IRAK2: variants seen among roughly 807,000 people sequenced by gnomAD.
The protein encoded by IRAK2 is interleukin 1 receptor associated kinase 2.
IRAK2 carries 57 observed loss-of-function variants against 72.0 expected under a neutral mutation model. The ratio of observed to expected loss-of-function variants is 0.79; its 90% CI spans 0.64 to 0.99. The LOEUF is 0.99. IRAK2 is among the 50% of genes least tolerant of loss of function. The pLI is 0.00. For synonymous variants in IRAK2, 293 were observed against 312.7 expected (o/e 0.94, Z 0.67); for missense variants, 790 against 794.4 (o/e 0.99, Z 0.07).
chr3:10,190,119 G>A (rs937187913), intron 2 of IRAK2, among the ~76,000 whole-genome samples: 15 of 150,954 alleles, frequency 9.9e-5, no homozygotes, highest in African/African-American at 3.2e-4. Flanking sequence ...AGGCCAACAT[G>A]GGAATTCAGG....
intron 6 of IRAK2, 36 bp from the exon 7 acceptor site, chr3:10,216,898 C>G: frequency 6.7e-7 from 1 of 1,490,480 alleles, no homozygotes; most frequent in Non-Finnish European, 9.4e-7. Context: ...TTCTTTCCGT[C>G]TGACTCCTCA....
chr3:10,167,559 T>C (rs165501), intron 1 of IRAK2, among the ~76,000 whole-genome samples: 83,104 of 151,786 alleles, frequency 0.55, 24,471 homozygotes, highest in African/African-American at 0.78. Flanking sequence ...GGACTACAGG[T>C]GCCTGCCACC....
chr3:10,234,252 C>G (rs1162123207), intron 10 of IRAK2, among the ~76,000 whole-genome samples: 1 of 152,158 alleles, frequency 6.6e-6, no homozygotes. Context: ...CATGAGTTCA[C>G]TATGGAGTGC....
In IRAK2 at chr3:10,222,805, C is replaced by T. The variant is rs767779182; in HGVS notation, c.1183C>T (p.Arg395Ter). 36 of 1,614,040 alleles carry T rather than the reference C, an allele frequency of 2.2e-5. No individual in the cohort carries two copies. The highest frequency in any genetic ancestry group is 1.1e-4 in the African/African-American group (8 of 74,918). The change falls in exon 9 of 13, where the codon CGA becomes TGA. Residue 395 changes from arginine to a stop codon, truncating the protein, a stop_gained. Coordinates refer to ENST00000256458, the MANE Select transcript of IRAK2 (RefSeq NM_001570.4). LOFTEE classifies it high-confidence loss of function. ...DFIRVGQLTK[R>*]VDIFSCGIVL... ...CATCCGGGTGGGGCAGCTGACAAAGCGAGTGGACATCTTCAGCTGTGGAAT... is the reference window on the plus strand; with the variant it reads ...CATCCGGGTGGGGCAGCTGACAAAGTGAGTGGACATCTTCAGCTGTGGAAT...
intron 8 of IRAK2, among the ~76,000 whole-genome samples, chr3:10,221,401 CT>C: frequency 6.6e-6 from 1 of 150,554 alleles, no homozygotes; most frequent in South Asian, 2.1e-4. Context: ...CTACAGGCGC[CT>C]GCCACCATGC....
chr3:10,172,537 CAA>C (rs71055803), intron 1 of IRAK2, among the ~76,000 whole-genome samples: 6 of 34,924 alleles, frequency 1.7e-4, no homozygotes, highest in African/African-American at 4.9e-4. Context: ...AACTCCGACT[CAA>C]AAAAAAAAAA....
At chr3:10,173,011 T>C (rs941688881) in intron 1 of IRAK2, among the ~76,000 whole-genome samples, 5 of 152,050 alleles carry the variant, frequency 3.3e-5, no homozygotes, top group African/African-American at 1.2e-4. Context: ...TCATAGAATG[T>C]AGATAGTTTA....
intron 1 of IRAK2, 88 bp from the exon 2 acceptor site, chr3:10,177,750 G>A (rs1177631187): frequency 6.7e-6 from 9 of 1,344,440 alleles, no homozygotes; most frequent in African/African-American, 1.4e-5. Context: ...GGATGTCCTG[G>A]AAAAGCCCAG....
chr3:10,207,028 AT>A (rs1444710169), intron 3 of IRAK2, among the ~76,000 whole-genome samples: 1 of 151,622 alleles, frequency 6.6e-6, no homozygotes, highest in Non-Finnish European at 1.5e-5. Context: ...TAATTTTTGT[AT>A]TTTTGTAGAG....
At chr3:10,187,141 C>G (rs1697088864) in intron 2 of IRAK2, among the ~76,000 whole-genome samples, 1 of 151,096 alleles carries the variant, frequency 6.6e-6, no homozygotes, top group African/African-American at 2.5e-5. Context: ...TAGGGTGACT[C>G]CAACTGTTAT....
chr3:10,196,849 T>G (rs1378814940), intron 2 of IRAK2, among the ~76,000 whole-genome samples: 4 of 152,054 alleles, frequency 2.6e-5, no homozygotes, highest in South Asian at 2.1e-4. Context: ...AAAACAGAAG[T>G]GAGGTGGATC....
chr3:10,185,120 C>T (rs1159871991), intron 2 of IRAK2, among the ~76,000 whole-genome samples: 1 of 151,460 alleles, frequency 6.6e-6, no homozygotes, highest in Non-Finnish European at 1.5e-5. Context: ...CGCGAAGCAT[C>T]CTAAGCATCA....
chr3:10,221,201 G>C (rs1433180805), intron 8 of IRAK2, among the ~76,000 whole-genome samples: 8 of 148,738 alleles, frequency 5.4e-5, no homozygotes, highest in East Asian at 2.0e-4. Context: ...GACCATCCTG[G>C]CTAACACGGT....
chr3:10,240,558 C>CCCCCCCCTTT (rs1274154130), intron 12 of IRAK2, among the ~76,000 whole-genome samples: 2 of 18,066 alleles, frequency 1.1e-4, no homozygotes, highest in African/African-American at 3.4e-4. Flanking sequence ...CCCCCCCCGC[C>CCCCCCCCTTT]TTTTTTTTTT....
Position 10,177,851 on chromosome 3 carries a change from C to T in IRAK2, c.108C>T (p.Ile36=), listed in dbSNP as rs752500282. 6.1e-5 allele frequency: 99 copies of T among 1,612,914 alleles called. No homozygotes were observed. The highest frequency in any genetic ancestry group is 8.0e-5 in the Non-Finnish European group (94 of 1,180,036). Residue 36 remains isoleucine, a synonymous_variant, in exon 2 of 13, where the codon ATC becomes ATT. Coordinates refer to ENST00000256458, the MANE Select transcript of IRAK2 (RefSeq NM_001570.4). ...CGTCCCTTCCAGCCTCCTACGTGAT[C>T]ACAGACCTGACCCAGCTGCGGAAGA... ...WDWMEFASYV[I]TDLTQLRKIK... is the part of the protein sequence containing the mutation.
In IRAK2 at chr3:10,217,031, G is replaced by A. The variant is rs1281869805; in HGVS notation, c.886G>A (p.Asp296Asn). ...CTACATGGCAAATGGTTCCCTACAG[G>A]ACAGACTGCAGGGTCAGGTAAGGGA... Reference protein sequence around the residue: ...YPYMANGSLQDRLQGQGGSDP... With the variant: ...YPYMANGSLQNRLQGQGGSDP... The change falls in exon 7 of 13, where the codon GAC (aspartate) becomes AAC (asparagine). Residue 296 changes from aspartate (D) to asparagine (N), a missense_variant. Coordinates refer to ENST00000256458, the MANE Select transcript of IRAK2 (RefSeq NM_001570.4). 1.2e-6 allele frequency: 2 copies of A among 1,611,490 alleles called. No individual in the cohort carries two copies. The highest frequency in any genetic ancestry group is 3.3e-5 in the Admixed American group (2 of 60,010).
chr3:10,208,042 T>C (rs2125153769), intron 3 of IRAK2, among the ~76,000 whole-genome samples: 1 of 149,674 alleles, frequency 6.7e-6, no homozygotes. Context: ...CTGATGACTG[T>C]GTGCCCCATG....
chr3:10,193,666 T>G (rs1697218647), intron 2 of IRAK2, among the ~76,000 whole-genome samples: 1 of 152,164 alleles, frequency 6.6e-6, no homozygotes, highest in Admixed American at 6.5e-5. Context: ...AGAACTGCCG[T>G]GTCAACCTTC....
rs1285478687 is a variant in IRAK2 at position 10,177,837 on chromosome 3, G to A, written c.95-1G>A. 1 of 1,611,898 alleles carries A rather than the reference G, an allele frequency of 6.2e-7. No homozygotes were observed. Among genetic ancestry groups the A allele is most frequent in the East Asian group, 2.2e-5 (1 of 44,872 alleles). Reference sequence around the variant, plus strand: ...AGCAGAGTTCTCTCCGTCCCTTCCAGCCTCCTACGTGATCACAGACCTGAC... The same window carrying A: ...AGCAGAGTTCTCTCCGTCCCTTCCAACCTCCTACGTGATCACAGACCTGAC... On this transcript the variant is annotated splice_acceptor_variant, in intron 1 of 12. Coordinates refer to ENST00000256458, the MANE Select transcript of IRAK2 (RefSeq NM_001570.4). LOFTEE classifies it high-confidence loss of function.
Sources: allele counts gnomAD v4.1 joint callset (sites outside exome capture counted in the v4.1 genomes callset), GRCh38; gene constraint gnomAD v4.1.1; transcripts MANE v1.5; gene names NCBI Gene and HGNC (gene_info 2026-07-23, HGNC 2026-07-21).